DNAH8: variants seen among roughly 807,000 people sequenced by gnomAD.
DNAH8 encodes the protein dynein axonemal heavy chain 8.
DNAH8 carries 382 observed loss-of-function variants against 562.1 expected under a neutral mutation model. That is an observed-to-expected ratio of 0.68 (90% CI 0.63 to 0.74). DNAH8 has a LOEUF of 0.74. DNAH8 is among the 30% of genes least tolerant of loss of function. The pLI is 0.00. For synonymous variants in DNAH8, 1,881 were observed against 1,919.4 expected, an observed-to-expected ratio of 0.98 and a Z score of 0.52; for missense variants, 5,203 against 5,620.4, an observed-to-expected ratio of 0.93 and a Z score of 2.37.
Position 38,896,155 on chromosome 6 carries a change from G to A in DNAH8, c.8870G>A (p.Arg2957His), listed in dbSNP as rs763438877. The change falls in exon 60 of 93, where the codon CGT (arginine) becomes CAT (histidine). Residue 2957 changes from arginine (R) to histidine (H), a missense_variant. This residue lies in a region of DNAH8 where 977 missense variants were observed against 1,061.8 expected (regional missense o/e 0.92). Transcript: ENST00000327475. ...GAACCATACTTTGTGGATTTTCTTC[G>A]TGAGATGCCAGAACCAACTGGTGAT... ...LPEPYFVDFLREMPEPTGDEP... is the reference protein window; with the variant it reads ...LPEPYFVDFLHEMPEPTGDEP... The A allele has an allele frequency of 5.8e-5, 93 of 1,613,592 alleles. No homozygotes were observed. The highest frequency in any genetic ancestry group is 4.9e-4 in the Middle Eastern group (3 of 6,082).
chr6:38,903,413 CAGAGTT>C (rs1481807398), intron 62 of DNAH8, among the ~76,000 whole-genome samples: 1 of 151,910 alleles, frequency 6.6e-6, no homozygotes, highest in African/African-American at 2.4e-5. Flanking sequence ...TATATGAACT[CAGAGTT>C]AGAACTCACT....
At chr6:38,756,220 G>T (rs772219888) in intron 10 of DNAH8, 141 bp downstream of exon 10, 2 of 655,692 alleles carry the variant, frequency 3.1e-6, no homozygotes. Context: ...AGAGAAAGGC[G>T]TTGACTGGAC....
At chr6:38,994,514 TAGTGCTTGTATGG>T (rs1765003974) in intron 88 of DNAH8, among the ~76,000 whole-genome samples, 1 of 151,756 alleles carries the variant, frequency 6.6e-6, no homozygotes, top group Non-Finnish European at 1.5e-5. Flanking sequence ...TTTTTTTTTT[TAGTGCTTGTATGG>T]TTTCACGTTT....
In DNAH8 at chr6:38,882,564, G is replaced by A. The variant is rs116215945; in HGVS notation, c.7859-346G>A. Among the ~76,000 whole-genome samples, 249 of 152,234 alleles carry A rather than the reference G, an allele frequency of 1.6e-3. 3 individuals carry two copies. The highest frequency in any genetic ancestry group is 5.7e-3 in the African/African-American group (236 of 41,546). On this transcript the variant is annotated intron_variant, in intron 53 of 92. Coordinates refer to ENST00000327475, the MANE Select transcript of DNAH8 (RefSeq NM_001206927.2). ...AACAGACACTGGGGCCTACTTGAGGGTTGGGGGTGGGAGAAGGGTGAGGAT... is the reference window on the plus strand; with the variant it reads ...AACAGACACTGGGGCCTACTTGAGGATTGGGGGTGGGAGAAGGGTGAGGAT...
intron 58 of DNAH8, among the ~76,000 whole-genome samples, chr6:38,892,525 T>A (rs774534353): frequency 6.6e-6 from 1 of 152,040 alleles, no homozygotes; most frequent in Non-Finnish European, 1.5e-5. Flanking sequence ...CATCAGTGAA[T>A]CTCAGTGACC....
intron 88 of DNAH8, among the ~76,000 whole-genome samples, chr6:39,007,562 T>A (rs1765874646): frequency 6.6e-6 from 1 of 152,218 alleles, no homozygotes. Context: ...ATGTCACACC[T>A]GGCTAGGGAA....
At chr6:38,915,465 T>C in intron 68 of DNAH8, 88 bp downstream of exon 68, 1 of 1,092,138 alleles carries the variant, frequency 9.2e-7, no homozygotes, top group Non-Finnish European at 1.2e-6. Context: ...GAAAACTGAA[T>C]TGAATTCTTA....
At chr6:38,715,949 TATA>T (rs1172098757) in intron 1 of DNAH8, among the ~76,000 whole-genome samples, 2 of 25,316 alleles carry the variant, frequency 7.9e-5, no homozygotes, top group African/African-American at 2.5e-4. Context: ...TATATATATA[TATA>T]TATATATATT....
At chr6:38,963,181 G>C (rs1415970882) in intron 82 of DNAH8, among the ~76,000 whole-genome samples, 2 of 146,416 alleles carry the variant, frequency 1.4e-5, no homozygotes, top group Non-Finnish European at 3.0e-5. Flanking sequence ...CACAAACAAA[G>C]AAACAAGGAT....
At chr6:38,989,975 C>T (rs762350530) in intron 87 of DNAH8, 37 bp from the exon 88 acceptor site, 2 of 1,294,260 alleles carry the variant, frequency 1.5e-6, no homozygotes, top group East Asian at 2.4e-5. Flanking sequence ...TTTAGATGCT[C>T]ATCAATTTTA....
chr6:38,747,121 A>G (rs1765008782), intron 8 of DNAH8, among the ~76,000 whole-genome samples: 1 of 152,188 alleles, frequency 6.6e-6, no homozygotes, highest in Admixed American at 6.6e-5. Context: ...TGTGCTTACT[A>G]TGTGCCAAGC....
At chr6:38,867,779 A>G (rs911909825) in intron 47 of DNAH8, among the ~76,000 whole-genome samples, 1 of 151,850 alleles carries the variant, frequency 6.6e-6, no homozygotes, top group Non-Finnish European at 1.5e-5. Flanking sequence ...AAAACAAAAA[A>G]GAAACTATTG....
In DNAH8 at chr6:38,982,389, A is replaced by G. The variant is rs1194425487; in HGVS notation, c.12878A>G (p.Glu4293Gly). ...CCCTTAGGATGGAATATTCCCTACGAATTCAATTCTGCTGACTTTTCAGCC... is the reference window on the plus strand; with the variant it reads ...CCCTTAGGATGGAATATTCCCTACGGATTCAATTCTGCTGACTTTTCAGCC... Reference protein sequence around the residue: ...FGPLGWNIPYEFNSADFSASV... With the variant: ...FGPLGWNIPYGFNSADFSASV... Residue 4293 changes from glutamate (E) to glycine (G), a missense_variant, in exon 86 of 93, where the codon GAA (glutamate) becomes GGA (glycine). Glu to Gly is a moderately conservative substitution (Grantham distance 98). This residue lies in a region of DNAH8 where 1,399 missense variants were observed against 1,518.4 expected (regional missense o/e 0.92). Transcript: ENST00000327475. 3.7e-6 allele frequency: 6 copies of G among 1,612,238 alleles called. No individual in the cohort carries two copies. Among genetic ancestry groups the G allele is most frequent in the Non-Finnish European group, 5.1e-6 (6 of 1,178,542 alleles).
intron 75 of DNAH8, among the ~76,000 whole-genome samples, chr6:38,931,005 T>A (rs1782513640): frequency 6.6e-6 from 1 of 152,166 alleles, no homozygotes; most frequent in Non-Finnish European, 1.5e-5. Context: ...ATACAGTGTT[T>A]ATCTGTGTCT....
chr6:38,950,412 T>C (rs1761802937), intron 81 of DNAH8, among the ~76,000 whole-genome samples: 1 of 152,042 alleles, frequency 6.6e-6, no homozygotes, highest in Non-Finnish European at 1.5e-5. Context: ...AACGCTAATG[T>C]TGACCTCATA....
At chr6:38,900,253 C>A (rs893961457) in intron 62 of DNAH8, among the ~76,000 whole-genome samples, 6 of 152,146 alleles carry the variant, frequency 3.9e-5, no homozygotes, top group African/African-American at 1.4e-4. Context: ...CTCTTTGCAT[C>A]CTATTTCTAT....
intron 57 of DNAH8, among the ~76,000 whole-genome samples, chr6:38,889,448 A>C (rs1779185943): frequency 6.6e-6 from 1 of 152,198 alleles, no homozygotes; most frequent in Non-Finnish European, 1.5e-5. Context: ...TGAACGTACA[A>C]GGGCTTCTAA....
chr6:38,804,205 C>T (rs1296786833), intron 22 of DNAH8, among the ~76,000 whole-genome samples: 2 of 152,158 alleles, frequency 1.3e-5, no homozygotes, highest in African/African-American at 4.8e-5. Flanking sequence ...TCCCCTTTAT[C>T]AGGGGCAGGG....
intron 26 of DNAH8, among the ~76,000 whole-genome samples, chr6:38,817,854 G>T (rs987343791): frequency 6.6e-6 from 1 of 152,100 alleles, no homozygotes; most frequent in Non-Finnish European, 1.5e-5. Flanking sequence ...TCCTTCAAGG[G>T]CTGATCATGA....
Sources: allele counts gnomAD v4.1 joint callset (sites outside exome capture counted in the v4.1 genomes callset), GRCh38; gene constraint gnomAD v4.1.1; regional missense constraint gnomAD v4.1.1; transcripts MANE v1.5; gene names NCBI Gene and HGNC (gene_info 2026-07-23, HGNC 2026-07-21).